Variants in MCPH1 observed in about 807,000 individuals in gnomAD.
MCPH1 encodes microcephalin.
Under a neutral mutation model 84.5 loss-of-function variants are expected in MCPH1, and 104 were observed. That is an observed-to-expected ratio of 1.23 (90% confidence interval 1.05 to 1.45). The LOEUF (loss-of-function observed/expected upper bound fraction) is 1.45. Ranked by LOEUF, MCPH1 falls within the 40% of genes most tolerant of loss-of-function variation. The probability of loss-of-function intolerance (pLI) is 0.00; values close to 1 mark genes in which losing one functional copy is unlikely to be tolerated. For synonymous variants in MCPH1, 514 were observed against 366.8 expected, an observed-to-expected ratio of 1.40 and a Z score of -4.58; for missense variants, 1,498 against 1,005.7, an observed-to-expected ratio of 1.49 and a Z score of -6.62.
chr8:6,616,764 A>C (rs1270922499), intron 12 of MCPH1: 2 of 152,254 alleles, frequency 1.3e-5, no homozygotes, highest in African/African-American at 4.8e-5. Flanking sequence ...ACCCCACCCA[A>C]AATTCACTCT....
At chr8:6,604,501 C>T (rs944378523) in intron 12 of MCPH1, among the ~76,000 whole-genome samples, 1 of 150,968 alleles carries the variant, frequency 6.6e-6, no homozygotes, top group East Asian at 2.4e-4. Flanking sequence ...CTCCAGCCTA[C>T]GTTTGCTGTT....
intron 12 of MCPH1, among the ~76,000 whole-genome samples, chr8:6,566,480 G>C (rs901847516): frequency 6.6e-6 from 1 of 152,236 alleles, no homozygotes; most frequent in Non-Finnish European, 1.5e-5. Context: ...TGCAGCGACC[G>C]TGTGTGGTCA....
intron 13 of MCPH1, among the ~76,000 whole-genome samples, chr8:6,641,722 T>C (rs1472884640): frequency 6.6e-6 from 1 of 152,338 alleles, no homozygotes; most frequent in East Asian, 1.9e-4. Context: ...CTAACCTGCG[T>C]GACTGAGCAA....
chr8:6,546,402 G>A (rs1220290638), intron 12 of MCPH1, among the ~76,000 whole-genome samples: 1 of 152,182 alleles, frequency 6.6e-6, no homozygotes, highest in East Asian at 1.9e-4. Context: ...AGTGCTACAG[G>A]AAAATTAGCA....
intron 12 of MCPH1, among the ~76,000 whole-genome samples, chr8:6,514,268 C>T (rs2515422): frequency 0.42 from 64,305 of 152,078 alleles, 13,873 homozygotes; most frequent in Middle Eastern, 0.53. Flanking sequence ...TGGCTGACTG[C>T]ACCCTCTGCC....
chr8:6,458,542 C>A (rs934635890), intron 9 of MCPH1, among the ~76,000 whole-genome samples: 2 of 150,880 alleles, frequency 1.3e-5, no homozygotes, highest in Admixed American at 6.6e-5. Context: ...GTTTTAGGAG[C>A]GCAAATTTGA....
intron 12 of MCPH1, among the ~76,000 whole-genome samples, chr8:6,531,732 T>C (rs999443350): frequency 3.9e-5 from 6 of 152,180 alleles, no homozygotes; most frequent in South Asian, 2.1e-4. Context: ...GAGTGCCTCA[T>C]TGTGATGCAT....
Position 6,472,225 on chromosome 8 carries a change from C to T in MCPH1, c.1936-5369C>T, listed in dbSNP as rs73518764. On this transcript the variant is annotated intron_variant, in intron 9 of 13. Coordinates refer to ENST00000344683, the MANE Select transcript of MCPH1 (RefSeq NM_024596.5). ...ATGCCAAGCATATAATTAGAATAGA[C>T]CAAGAATATCACATCAAGAGGGTTA... Among the ~76,000 whole-genome samples, 1,321 of 152,134 alleles carry T rather than the reference C, an allele frequency of 8.7e-3. 25 individuals are homozygous for T. Among genetic ancestry groups the T allele is most frequent in the African/African-American group, 0.03 (1,231 of 41,486 alleles).
intron 12 of MCPH1, chr8:6,509,178 G>T: frequency 7.6e-7 from 1 of 1,313,974 alleles, no homozygotes; most frequent in Non-Finnish European, 1.0e-6. Flanking sequence ...ACTCGTTAAT[G>T]GACTAATGCA....
chr8:6,608,157 C>G (rs185190435), intron 12 of MCPH1, among the ~76,000 whole-genome samples: 21 of 152,224 alleles, frequency 1.4e-4, no homozygotes, highest in Non-Finnish European at 1.0e-4. Flanking sequence ...GACTCACGTG[C>G]GAGGGTGGGA....
intron 13 of MCPH1, among the ~76,000 whole-genome samples, chr8:6,631,087 C>A (rs1797126993): frequency 6.6e-6 from 1 of 152,226 alleles, no homozygotes; most frequent in South Asian, 2.1e-4. Context: ...TAGAGGAAAG[C>A]CATCTTCAAG....
chr8:6,587,972 C>G (rs1434469542), intron 12 of MCPH1, among the ~76,000 whole-genome samples: 3 of 152,232 alleles, frequency 2.0e-5, no homozygotes, highest in African/African-American at 4.8e-5. Context: ...AGGCTCCCCT[C>G]AACCTGACGC....
chr8:6,647,891 G>T lies in MCPH1; in HGVS notation c.*4842G>T, dbSNP rs957138332. 6.6e-6 allele frequency: 1 copy of T among 152,046 alleles called. No individual in the cohort carries two copies. Among genetic ancestry groups the T allele is most frequent in the Non-Finnish European group, 1.5e-5 (1 of 68,028 alleles). The allele number at this position is 152,046 out of a possible 1,614,324, so 9.4% of individuals were successfully genotyped here. On this transcript the variant is annotated 3_prime_UTR_variant, in exon 14 of 14. Coordinates refer to ENST00000344683, the MANE Select transcript of MCPH1 (RefSeq NM_024596.5). ...ACACTTTTAATGGGTAAGCCTTAAG[G>T]CATGTGAATTATACACCAATAAAGC...
intron 12 of MCPH1, among the ~76,000 whole-genome samples, chr8:6,506,929 C>G (rs1436540604): frequency 1.3e-5 from 2 of 151,868 alleles, no homozygotes; most frequent in African/African-American, 4.8e-5. Context: ...CGGAGTCTCA[C>G]TCTTGTCGTC....
chr8:6,580,785 AGTGCATCCCT>A (rs1827508106), intron 12 of MCPH1, among the ~76,000 whole-genome samples: 1 of 152,238 alleles, frequency 6.6e-6, no homozygotes, highest in Non-Finnish European at 1.5e-5. Context: ...GATGGTAGTT[AGTGCATCCCT>A]TAAATACAAG....
intron 12 of MCPH1, among the ~76,000 whole-genome samples, chr8:6,512,280 C>T (rs773149339): frequency 9.9e-5 from 15 of 152,118 alleles, no homozygotes; most frequent in Non-Finnish European, 1.9e-4. Flanking sequence ...GACATTTAGC[C>T]GCTTCTCCGT....
At chr8:6,472,298 C>G (rs1374700146) in intron 9 of MCPH1, among the ~76,000 whole-genome samples, 1 of 152,120 alleles carries the variant, frequency 6.6e-6, no homozygotes, top group Non-Finnish European at 1.5e-5. Context: ...TATATTTAAC[C>G]TAGGGCTGGC....
chr8:6,544,157 T>C (rs1254680290), intron 12 of MCPH1, among the ~76,000 whole-genome samples: 1 of 152,240 alleles, frequency 6.6e-6, no homozygotes, highest in Non-Finnish European at 1.5e-5. Context: ...TGAAATTTGG[T>C]AGGAAGTGTA....
In MCPH1 at chr8:6,525,803, C is replaced by T. The variant is rs953444831; in HGVS notation, c.2214+25874C>T. Among the ~76,000 whole-genome samples, 7 of 152,114 alleles carry T rather than the reference C, an allele frequency of 4.6e-5. No individual in the cohort carries two copies. The East Asian group carries it at 1.2e-3, about 25-fold the overall frequency. On this transcript the variant is annotated intron_variant, in intron 12 of 13. Coordinates refer to ENST00000344683, the MANE Select transcript of MCPH1 (RefSeq NM_024596.5). ...CTTTCATATCTGTGACAAAAAAATA[C>T]GATTTCTACAGCTGATGAGAAAAAG...
Sources: allele counts gnomAD v4.1 joint callset (sites outside exome capture counted in the v4.1 genomes callset), GRCh38; gene constraint gnomAD v4.1.1; transcripts MANE v1.5; gene names NCBI Gene and HGNC (gene_info 2026-07-23, HGNC 2026-07-21).